Variants in CASK observed in about 807,000 individuals in gnomAD.
CASK encodes the protein peripheral plasma membrane protein CASK.
Under a neutral mutation model 82.9 loss-of-function variants are expected in CASK, and 4 were observed. The observed-to-expected ratio is 0.05, with a 90% CI of 0.02 to 0.11. The LOEUF (loss-of-function observed/expected upper bound fraction) is 0.11. Among genes scored for constraint, CASK ranks in the 10% least tolerant of loss-of-function variants. The pLI, the probability that CASK is intolerant of heterozygous loss-of-function variation, is 1.00. For missense variants in CASK, 358 were observed against 720.9 expected, an observed-to-expected ratio of 0.50 and a Z score of 5.76; for synonymous variants, 259 against 253.5, an observed-to-expected ratio of 1.02 and a Z score of -0.20.
At chrX:41,905,679 T>G (rs1418297218) in intron 1 of CASK, among the ~76,000 whole-genome samples, 1 of 112,963 alleles carries the variant, frequency 8.9e-6, no homozygotes, top group Non-Finnish European at 1.9e-5. Context: ...ACTAGCTAGG[T>G]GACTGATTAG....
At position 41,518,491 on chromosome X, in the gene CASK, T is replaced by C. The variant is rs1439013679; in HGVS notation, c.*1929A>G. 3.7e-5 allele frequency: 4 copies of C among 109,061 alleles called. No homozygotes were observed. In the East Asian group the frequency reaches 8.6e-4, roughly 23 times the overall value. The allele number at this position is 109,061 out of a possible 1,213,427, so 9.0% of individuals were successfully genotyped here. A position where few individuals can be genotyped will look rare whatever the true frequency, so the allele number is the denominator to read the frequency against. ...CCCCACTGTGGGGCCCATACAGAAGTAGTTCACTCAATACCTTGTTAGTAA... is the reference window on the plus strand; with the variant it reads ...CCCCACTGTGGGGCCCATACAGAAGCAGTTCACTCAATACCTTGTTAGTAA... On this transcript the variant is annotated 3_prime_UTR_variant, in exon 27 of 27. Coordinates refer to ENST00000378163, the MANE Select transcript of CASK (RefSeq NM_001367721.1).
At chrX:41,878,415 G>A (rs191230055) in intron 1 of CASK, among the ~76,000 whole-genome samples, 48 of 111,091 alleles carry the variant, frequency 4.3e-4, no homozygotes, top group Non-Finnish European at 8.1e-4. Flanking sequence ...TTTTGTATAC[G>A]GTTGCAATGG....
At chrX:41,575,284 T>A (rs1228425462) in intron 15 of CASK, among the ~76,000 whole-genome samples, 4 of 111,841 alleles carry the variant, frequency 3.6e-5, no homozygotes, top group Admixed American at 1.9e-4. Context: ...ACATTTATTA[T>A]TCTGTAGGTC....
chrX:41,599,630 T>C (rs1331296024), intron 12 of CASK, among the ~76,000 whole-genome samples: 1 of 112,172 alleles, frequency 8.9e-6, no homozygotes, highest in Non-Finnish European at 1.9e-5. Context: ...CTTGACCTCC[T>C]AGTTCAATCC....
chrX:41,542,858 GATAAA>G (rs1274036553), intron 21 of CASK, 52 bp from the exon 22 acceptor site: 8 of 753,433 alleles, frequency 1.1e-5, no homozygotes, highest in East Asian at 3.4e-5. Context: ...AATTCTGGTT[GATAAA>G]ATAGAAGAGT....
At chrX:41,791,211 A>G (rs1343265893) in intron 2 of CASK, among the ~76,000 whole-genome samples, 1 of 109,099 alleles carries the variant, frequency 9.2e-6, no homozygotes, top group Non-Finnish European at 1.9e-5. Flanking sequence ...TACATGGAAA[A>G]GTTCTTTAGT....
intron 11 of CASK, among the ~76,000 whole-genome samples, chrX:41,617,568 C>T (rs1300279002): frequency 8.9e-6 from 1 of 112,084 alleles, no homozygotes; most frequent in Non-Finnish European, 1.9e-5. Context: ...GTTCTAGTTC[C>T]GTTATTTCTT....
At chrX:41,776,557 T>C (rs778460938) in intron 3 of CASK, among the ~76,000 whole-genome samples, 1 of 112,221 alleles carries the variant, frequency 8.9e-6, no homozygotes, top group Non-Finnish European at 1.9e-5. Context: ...TGATTATGTA[T>C]GGAGAAAATC....
At chrX:41,910,933 C>T (rs990324552) in intron 1 of CASK, among the ~76,000 whole-genome samples, 1 of 110,886 alleles carries the variant, frequency 9.0e-6, no homozygotes, top group Non-Finnish European at 1.9e-5. Flanking sequence ...AGGTTTTTTC[C>T]ATCTTTAGCA....
At chrX:41,832,889 T>C (rs2070851621) in intron 2 of CASK, among the ~76,000 whole-genome samples, 1 of 111,675 alleles carries the variant, frequency 9.0e-6, no homozygotes, top group Admixed American at 9.5e-5. Flanking sequence ...TAGACAGCAC[T>C]CAACACTATG....
chrX:41,619,359 A>C (rs1322345430), intron 11 of CASK, among the ~76,000 whole-genome samples: 2 of 108,844 alleles, frequency 1.8e-5, no homozygotes, highest in Non-Finnish European at 3.8e-5. Context: ...GGCTGATCTC[A>C]ATCTCCTGGC....
At chrX:41,802,663 C>G (rs137904431) in intron 2 of CASK, among the ~76,000 whole-genome samples, 1 of 111,498 alleles carries the variant, frequency 9.0e-6, no homozygotes, top group Non-Finnish European at 1.9e-5. Flanking sequence ...GGGAGAAAAA[C>G]GGCCAGGCAC....
At chrX:41,613,159 T>G (rs2066129952) in intron 11 of CASK, among the ~76,000 whole-genome samples, 1 of 112,061 alleles carries the variant, frequency 8.9e-6, no homozygotes, top group Non-Finnish European at 1.9e-5. Flanking sequence ...GAACAGGCCA[T>G]GATGACAATG....
chrX:41,876,324 C>T (rs1024361345), intron 1 of CASK, among the ~76,000 whole-genome samples: 2 of 111,460 alleles, frequency 1.8e-5, no homozygotes, highest in African/African-American at 6.5e-5. Context: ...AGTTAAATAA[C>T]TTGGCTATAG....
At chrX:41,812,693 C>T (rs1253093976) in intron 2 of CASK, among the ~76,000 whole-genome samples, 1 of 111,586 alleles carries the variant, frequency 9.0e-6, no homozygotes, top group African/African-American at 3.3e-5. Context: ...GACAGGGATG[C>T]CCTCTCTCAC....
At chrX:41,749,787 G>A (rs748803303) in intron 3 of CASK, among the ~76,000 whole-genome samples, 13 of 111,409 alleles carry the variant, frequency 1.2e-4, no homozygotes, top group Non-Finnish European at 2.3e-4. Context: ...GATGGTAAAT[G>A]TATAGGTTAA....
chrX:41,879,361 C>T (rs1046636584), intron 1 of CASK, among the ~76,000 whole-genome samples: 1 of 111,181 alleles, frequency 9.0e-6, no homozygotes, highest in Non-Finnish European at 1.9e-5. Context: ...TACATACATA[C>T]CTATGACAAA....
chrX:41,870,625 G>C (rs1221246193), intron 1 of CASK, among the ~76,000 whole-genome samples: 3 of 112,472 alleles, frequency 2.7e-5, no homozygotes, highest in Non-Finnish European at 5.6e-5. Context: ...TAAAATATAT[G>C]ATAGACATTA....
chrX:41,533,168 A>G (rs1203397347), intron 24 of CASK, among the ~76,000 whole-genome samples: 1 of 112,022 alleles, frequency 8.9e-6, no homozygotes, highest in African/African-American at 3.2e-5. Context: ...GTAGTTAGAT[A>G]TATGTTATAT....
Sources: allele counts gnomAD v4.1 joint callset (sites outside exome capture counted in the v4.1 genomes callset), GRCh38; gene constraint gnomAD v4.1.1; transcripts MANE v1.5; gene names NCBI Gene and HGNC (gene_info 2026-07-23, HGNC 2026-07-21).